Variants in SDK2 observed in about 807,000 individuals in gnomAD.
The protein encoded by SDK2 is sidekick cell adhesion molecule 2.
A neutral mutation model predicts 253.9 loss-of-function variants in SDK2; 105 were observed. The observed-to-expected ratio is 0.41, with a 90% confidence interval of 0.35 to 0.49. The LOEUF (loss-of-function observed/expected upper bound fraction) is 0.49, where lower values mean the gene tolerates loss of function less well. Ranked by LOEUF, SDK2 falls within the 20% of genes least tolerant of loss-of-function variation. The pLI, the probability that SDK2 is intolerant of heterozygous loss-of-function variation, is 0.06. For synonymous variants in SDK2, 1,249 were observed against 1,234.9 expected (o/e 1.01, Z -0.24); for missense variants, 2,608 against 3,003.0 (o/e 0.87, Z 3.07).
In SDK2 at chr17:73,338,780, T is replaced by C; in HGVS notation, c.6326A>G (p.Glu2109Gly). ...AYSYTESDSGEPDHTTVTNST... is the reference protein window; with the variant it reads ...AYSYTESDSGGPDHTTVTNST... ...GTTGGTGACGGTGGTGTGGTCTGGC[T>C]CACCCGAGTCGCTCTCCGTGTAGCT... Residue 2109 changes from glutamate (E) to glycine (G), a missense_variant, in exon 45 of 45, where the codon GAG becomes GGG. By Grantham distance (98) the Glu-to-Gly change is moderately conservative. Around this residue, in one of 2 missense-constraint regions of SDK2, gnomAD observed 1,103 missense variants for 1,143.9 expected, o/e 0.96. Transcript: ENST00000392650. The surrounding 1 kb of genome is among the most constrained non-coding windows in gnomAD (Gnocchi z 5.0). The C allele has an allele frequency of 6.2e-7, 1 of 1,613,916 alleles. No homozygotes were observed.
chr17:73,351,054 G>C (rs1293401759), intron 41 of SDK2, among the ~76,000 whole-genome samples: 1 of 151,944 alleles, frequency 6.6e-6, no homozygotes, highest in Non-Finnish European at 1.5e-5. Flanking sequence ...AGATTGATTA[G>C]TGATGTCTGC....
At chr17:73,620,058 G>A (rs914237017) in intron 1 of SDK2, among the ~76,000 whole-genome samples, 1 of 152,140 alleles carries the variant, frequency 6.6e-6, no homozygotes, top group Non-Finnish European at 1.5e-5. Context: ...AATTAGCTGG[G>A]TGTGGTGGCA....
In SDK2 at chr17:73,395,201, C is replaced by G; in HGVS notation, c.3546G>C (p.Gly1182=). ...RVQVQAFNAI[G]SGPWSQTVVG... The stretch of plus-strand genomic sequence containing the variant: ...CCACCGTCTGGCTCCAGGGCCCGCT[C>G]CCGATGGCGTTGAAGGCCTGGACCT... The change falls in exon 25 of 45, where the codon GGG becomes GGC. Residue 1182 remains glycine, a synonymous_variant. Coordinates refer to ENST00000392650, the MANE Select transcript of SDK2 (RefSeq NM_001144952.2). This position sits in a 1 kb window ranked among gnomAD's most constrained non-coding sequence, Gnocchi z 4.3. 6.2e-7 allele frequency: 1 copy of G among 1,610,496 alleles called. No individual in the cohort carries two copies. The highest frequency in any genetic ancestry group is 8.5e-7 in the Non-Finnish European group (1 of 1,178,768).
chr17:73,412,910 G>C (rs1442667785), intron 18 of SDK2, among the ~76,000 whole-genome samples: 1 of 152,146 alleles, frequency 6.6e-6, no homozygotes, highest in Non-Finnish European at 1.5e-5. Flanking sequence ...CAGACACCTA[G>C]AAGTCAAGGA....
chr17:73,431,474 A>G lies in SDK2; in HGVS notation c.1480+28T>C, dbSNP rs772272331. The G allele has an allele frequency of 9.4e-6, 15 of 1,597,950 alleles. No homozygotes were observed. In the South Asian group the frequency reaches 1.6e-4, roughly 17 times the overall value. On this transcript the variant is annotated intron_variant, in intron 11 of 44. Transcript: ENST00000392650. This position sits in a 1 kb window ranked among gnomAD's most constrained non-coding sequence, Gnocchi z 5.6. Reference sequence around the variant, plus strand: ...GATGTACACACGCACACACAAATGTATAAAGCCCTGTGGCTCTGCACACTC... The same window carrying G: ...GATGTACACACGCACACACAAATGTGTAAAGCCCTGTGGCTCTGCACACTC...
At chr17:73,460,378 A>G (rs528509689) in intron 3 of SDK2, among the ~76,000 whole-genome samples, 61 of 152,338 alleles carry the variant, frequency 4.0e-4, no homozygotes, top group African/African-American at 1.4e-3. Flanking sequence ...GGCCTCAGTC[A>G]TCCCAGGATA....
intron 2 of SDK2, among the ~76,000 whole-genome samples, chr17:73,506,381 G>A (rs999832276): frequency 4.6e-5 from 7 of 152,158 alleles, no homozygotes; most frequent in African/African-American, 1.2e-4. Context: ...GGGAGGGGGT[G>A]CCCTGTCCTG....
intron 1 of SDK2, among the ~76,000 whole-genome samples, chr17:73,615,673 G>A (rs1233771073): frequency 1.3e-5 from 2 of 152,206 alleles, no homozygotes; most frequent in East Asian, 3.8e-4. Flanking sequence ...TCAGCTAGGT[G>A]ATGCCCAGGG....
intron 1 of SDK2, among the ~76,000 whole-genome samples, chr17:73,535,667 C>G (rs1003459686): frequency 6.6e-6 from 1 of 152,184 alleles, no homozygotes; most frequent in Non-Finnish European, 1.5e-5. Flanking sequence ...AGTGGGACAT[C>G]ATGGGCTACG....
chr17:73,389,679 C>A (rs564457192), intron 29 of SDK2, among the ~76,000 whole-genome samples: 168 of 152,276 alleles, frequency 1.1e-3, no homozygotes, highest in African/African-American at 3.8e-3. Flanking sequence ...CCTGATCCTG[C>A]GCCCATCTGT....
intron 24 of SDK2, among the ~76,000 whole-genome samples, chr17:73,397,620 C>G (rs2062982315): frequency 6.6e-6 from 1 of 152,186 alleles, no homozygotes; most frequent in Admixed American, 6.5e-5. Context: ...CAACACACAG[C>G]CCGGATCTGG....
intron 1 of SDK2, among the ~76,000 whole-genome samples, chr17:73,633,154 G>A (rs1337369254): frequency 6.6e-6 from 1 of 152,130 alleles, no homozygotes; most frequent in Non-Finnish European, 1.5e-5. Context: ...GTATGGTAGT[G>A]TACACCTGTG....
chr17:73,465,681 G>C lies in SDK2; in HGVS notation c.331+6431C>G, dbSNP rs1483556783. Among the ~76,000 whole-genome samples the C allele has an allele frequency of 1.3e-5, 2 of 152,092 alleles. No homozygotes were observed. The highest frequency in any genetic ancestry group is 2.9e-5 in the Non-Finnish European group (2 of 68,012). On this transcript the variant is annotated intron_variant, in intron 3 of 44. Transcript: ENST00000392650. This position sits in a 1 kb window ranked among gnomAD's most constrained non-coding sequence, Gnocchi z 4.2. ...AACATGTAAAGAATCCTTTTTTAAC[G>C]ACTTTGCCATTATCATTAGTTGTTA...
At position 73,455,829 on chromosome 17, in the gene SDK2, G is replaced by A; in HGVS notation, c.479+77C>T. The A allele has an allele frequency of 6.9e-7, 1 of 1,450,628 alleles. No individual in the cohort carries two copies. Among genetic ancestry groups the A allele is most frequent in the Non-Finnish European group, 9.2e-7 (1 of 1,091,764 alleles). The allele number at this position is 1,450,628 out of a possible 1,614,324, so 89.9% of individuals were successfully genotyped here. A position where few individuals can be genotyped will look rare whatever the true frequency, so the allele number is the denominator to read the frequency against. ...CACAAAGGCCCTCCTCCACACTCAA[G>A]GGAGACTTTATCTGGCCCCAAACCT... On this transcript the variant is annotated intron_variant, in intron 4 of 44. Coordinates refer to ENST00000392650, the MANE Select transcript of SDK2 (RefSeq NM_001144952.2). The surrounding 1 kb of genome is among the most constrained non-coding windows in gnomAD (Gnocchi z 5.0).
Position 73,374,171 on chromosome 17 carries a change from C to G in SDK2, c.4980+5006G>C, listed in dbSNP as rs2062758358. Among the ~76,000 whole-genome samples the G allele has an allele frequency of 1.4e-5, 2 of 144,890 alleles. 1 individual carries two copies. The highest frequency in any genetic ancestry group is 4.6e-4 in the South Asian group (2 of 4,354). ...GCTCAATTTGTAGACTTCTTTTGTT[C>G]TTTATCTTTCCTTGTCTAATCTCTA... On this transcript the variant is annotated intron_variant, in intron 36 of 44. Transcript: ENST00000392650.
chr17:73,563,492 T>C (rs961571061), intron 1 of SDK2, among the ~76,000 whole-genome samples: 5 of 152,154 alleles, frequency 3.3e-5, no homozygotes, highest in East Asian at 1.9e-4. Context: ...TGTGGGAGGA[T>C]TGCACGAGCC....
At position 73,379,455 on chromosome 17, in the gene SDK2, C is replaced by G. The variant is rs2062812257; in HGVS notation, c.4857G>C (p.Gly1619=). ...AGGGCGGGCGCTGCTCACCTGCCTC[C>G]CCAACAAAGACCTCCTGCGGGGGGC... is the stretch of plus-strand genomic sequence containing the variant. The part of the protein sequence containing the change: ...PSSPPQEVFV[G]EAVPTAAPRN... The change falls in exon 35 of 45, where the codon GGG becomes GGC. Residue 1619 remains glycine (G), a synonymous_variant. Transcript: ENST00000392650. This position sits in a 1 kb window ranked among gnomAD's most constrained non-coding sequence, Gnocchi z 4.5. The G allele has an allele frequency of 3.7e-6, 6 of 1,605,416 alleles. No individual in the cohort carries two copies. Among genetic ancestry groups the G allele is most frequent in the Non-Finnish European group, 5.1e-6 (6 of 1,175,218 alleles).
At chr17:73,470,182 GCACT>G (rs1286620884) in intron 3 of SDK2, among the ~76,000 whole-genome samples, 3 of 152,034 alleles carry the variant, frequency 2.0e-5, no homozygotes, top group Non-Finnish European at 2.9e-5. Flanking sequence ...GCACACATTT[GCACT>G]CACTCACACT....
chr17:73,596,523 C>T (rs1013858438), intron 1 of SDK2, among the ~76,000 whole-genome samples: 10 of 152,200 alleles, frequency 6.6e-5, no homozygotes, highest in Non-Finnish European at 1.5e-4. Context: ...TCTGCATTCT[C>T]TCTGGCCTCC....
Sources: allele counts gnomAD v4.1 joint callset (sites outside exome capture counted in the v4.1 genomes callset), GRCh38; gene constraint gnomAD v4.1.1; regional missense constraint gnomAD v4.1.1; non-coding constraint Gnocchi (gnomAD v3.1); transcripts MANE v1.5; gene names NCBI Gene and HGNC (gene_info 2026-07-23, HGNC 2026-07-21).